The following RBFOX1 variants were observed in gnomAD, a reference collection of about 807,000 sequenced individuals.
RBFOX1 encodes RNA binding protein fox-1 homolog 1.
RBFOX1 carries 8 observed loss-of-function variants against 57.7 expected under a neutral mutation model. The ratio of observed to expected loss-of-function variants is 0.14; its 90% confidence interval spans 0.08 to 0.25. RBFOX1 has a LOEUF of 0.25. Ranked by LOEUF, RBFOX1 falls within the 10% of genes least tolerant of loss-of-function variation. The pLI is 1.00. For missense variants in RBFOX1, 611 were observed against 548.5 expected (o/e 1.11, Z -1.14); for synonymous variants, 326 against 222.4 (o/e 1.47, Z -4.15).
At chr16:5,351,160 C>A (rs1182098968) in intron 1 of RBFOX1, among the ~76,000 whole-genome samples, 5 of 152,200 alleles carry the variant, frequency 3.3e-5, no homozygotes, top group African/African-American at 1.2e-4. Flanking sequence ...GGGAGTCAGA[C>A]TGTTGACTGT....
chr16:6,748,616 A>T (rs2074281552), intron 3 of RBFOX1, among the ~76,000 whole-genome samples: 1 of 152,136 alleles, frequency 6.6e-6, no homozygotes, highest in Non-Finnish European at 1.5e-5. Context: ...TTATAATTAC[A>T]CCACTGCACT....
chr16:5,764,928 G>C (rs2053724501), intron 3 of RBFOX1, among the ~76,000 whole-genome samples: 1 of 152,154 alleles, frequency 6.6e-6, no homozygotes, highest in Non-Finnish European at 1.5e-5. Flanking sequence ...CCATTTGAAA[G>C]AGGAGAAAGG....
chr16:7,064,558 G>A (rs571897765), intron 4 of RBFOX1, among the ~76,000 whole-genome samples: 1 of 152,078 alleles, frequency 6.6e-6, no homozygotes, highest in Non-Finnish European at 1.5e-5. Context: ...TCACCTACCA[G>A]TCAAAGGAGG....
intron 3 of RBFOX1, among the ~76,000 whole-genome samples, chr16:7,034,687 A>T (rs1347368055): frequency 3.3e-5 from 5 of 151,694 alleles, no homozygotes; most frequent in African/African-American, 9.7e-5. Flanking sequence ...AGAACAGGAG[A>T]CATTCGCCTT....
intron 3 of RBFOX1, among the ~76,000 whole-genome samples, chr16:6,683,144 C>G (rs934613216): frequency 6.6e-6 from 1 of 151,992 alleles, no homozygotes; most frequent in Non-Finnish European, 1.5e-5. Context: ...CTAGCAGATG[C>G]GTATTTTCCT....
intron 2 of RBFOX1, among the ~76,000 whole-genome samples, chr16:5,540,007 C>T (rs186578705): frequency 6.6e-6 from 1 of 152,284 alleles, no homozygotes; most frequent in East Asian, 1.9e-4. Flanking sequence ...AAGATTTTTG[C>T]ATTCTTTTTC....
chr16:6,275,391 C>T (rs1846813483), intron 1 of RBFOX1, among the ~76,000 whole-genome samples: 1 of 152,184 alleles, frequency 6.6e-6, no homozygotes, highest in Non-Finnish European at 1.5e-5. Flanking sequence ...ACTGTAATAA[C>T]AACTGGTGGT....
intron 3 of RBFOX1, among the ~76,000 whole-genome samples, chr16:6,817,706 GAAAA>G (rs572522891): frequency 2.1e-5 from 3 of 144,886 alleles, no homozygotes; most frequent in Non-Finnish European, 3.0e-5. Flanking sequence ...CTGTCTCAAA[GAAAA>G]AAAAAACAAA....
At chr16:5,246,131 A>G (rs2062293739) in intron 1 of RBFOX1, among the ~76,000 whole-genome samples, 1 of 152,160 alleles carries the variant, frequency 6.6e-6, no homozygotes. Flanking sequence ...AATCCCAGCT[A>G]CTTGGGAGGC....
chr16:6,947,962 A>G (rs911884673), intron 3 of RBFOX1, among the ~76,000 whole-genome samples: 15 of 152,012 alleles, frequency 9.9e-5, no homozygotes, highest in African/African-American at 3.6e-4. Context: ...TTTTTTAAAT[A>G]GAGACAGGCT....
rs866788043 is a variant in RBFOX1 at position 6,736,959 on chromosome 16, C to T, written c.-16+82309C>T. Among the ~76,000 whole-genome samples the T allele has an allele frequency of 2.0e-5, 3 of 152,268 alleles. No homozygotes were observed. The East Asian group carries it at 5.8e-4, about 29-fold the overall frequency. Reference sequence around the variant, plus strand: ...CTGCTGTGAAGTTAGCATCGGGAAGCGACAGCCTGTGTGCCCTGTATTCGC... The same window carrying T: ...CTGCTGTGAAGTTAGCATCGGGAAGTGACAGCCTGTGTGCCCTGTATTCGC... On this transcript the variant is annotated intron_variant, in intron 3 of 15. Transcript: ENST00000550418.
chr16:7,358,847 T>G (rs183247061), intron 4 of RBFOX1, among the ~76,000 whole-genome samples: 2 of 152,200 alleles, frequency 1.3e-5, no homozygotes, highest in East Asian at 3.8e-4. Context: ...CTTATCTACA[T>G]AATACGAGAG....
intron 2 of RBFOX1, among the ~76,000 whole-genome samples, chr16:6,373,096 G>T (rs974730142): frequency 2.0e-5 from 3 of 152,102 alleles, no homozygotes; most frequent in Non-Finnish European, 4.4e-5. Flanking sequence ...TAGGAGTATT[G>T]TTGGGTGGAA....
At chr16:6,597,488 A>T (rs1051613197) in intron 2 of RBFOX1, among the ~76,000 whole-genome samples, 3 of 152,092 alleles carry the variant, frequency 2.0e-5, no homozygotes, top group Non-Finnish European at 4.4e-5. Flanking sequence ...CCTGACCAAC[A>T]TGGTGAAACC....
chr16:5,851,194 TATC>T (rs1486037580), intron 3 of RBFOX1, among the ~76,000 whole-genome samples: 2 of 152,188 alleles, frequency 1.3e-5, no homozygotes, highest in Non-Finnish European at 2.9e-5. Context: ...CGCTAGTTAT[TATC>T]ATGGTTGTAC....
intron 2 of RBFOX1, among the ~76,000 whole-genome samples, chr16:5,483,409 C>T (rs1378775858): frequency 6.6e-6 from 1 of 152,164 alleles, no homozygotes; most frequent in Non-Finnish European, 1.5e-5. Flanking sequence ...TTGACTAATC[C>T]CATGAGGCAT....
intron 1 of RBFOX1, among the ~76,000 whole-genome samples, chr16:5,445,305 C>A (rs981295769): frequency 1.3e-5 from 2 of 152,122 alleles, no homozygotes; most frequent in Non-Finnish European, 2.9e-5. Flanking sequence ...GACTTTTCCT[C>A]CTCACTCTTC....
intron 1 of RBFOX1, among the ~76,000 whole-genome samples, chr16:5,278,941 T>C (rs1329594256): frequency 6.6e-6 from 1 of 152,198 alleles, no homozygotes; most frequent in Admixed American, 6.5e-5. Context: ...CTGTTTCCTT[T>C]GTTTTTGTGT....
At chr16:6,204,261 A>G (rs2097238099) in intron 1 of RBFOX1, among the ~76,000 whole-genome samples, 1 of 152,170 alleles carries the variant, frequency 6.6e-6, no homozygotes, top group African/African-American at 2.4e-5. Flanking sequence ...ACAGTGGGGA[A>G]AATGGGAATA....
Sources: gnomAD v4.1 joint callset for allele counts (sites outside exome capture counted in the v4.1 genomes callset) on GRCh38, gnomAD v4.1.1 for gene constraint, MANE v1.5 for transcripts, NCBI Gene and HGNC (gene_info 2026-07-23, HGNC 2026-07-21) for gene names.